The following OXR1 variants were observed in gnomAD, a reference collection of about 807,000 sequenced individuals.
OXR1 encodes the protein oxidation resistance 1.
A neutral mutation model predicts 104.6 loss-of-function variants in OXR1; 41 were observed. The observed-to-expected ratio is 0.39, with a 90% CI of 0.31 to 0.51. OXR1 has a LOEUF of 0.51. Among genes scored for constraint, OXR1 ranks in the 20% least tolerant of loss-of-function variants. The pLI, the probability that OXR1 is intolerant of heterozygous loss-of-function variation, is 0.77. For synonymous variants in OXR1, 348 were observed against 348.4 expected (o/e 1.00, Z 0.01); for missense variants, 955 against 1,031.9 (o/e 0.93, Z 1.02).
chr8:106,697,391 C>T (rs1271399328), intron 7 of OXR1: 132 of 1,322,040 alleles, frequency 1.0e-4, no homozygotes, highest in South Asian at 1.4e-4. Context: ...ATTAACCACT[C>T]GTGGGAGGGC....
At chr8:106,629,823 G>T (rs185140514) in intron 3 of OXR1, among the ~76,000 whole-genome samples, 1 of 152,094 alleles carries the variant, frequency 6.6e-6, no homozygotes, top group African/African-American at 2.4e-5. Context: ...AAAAAAACTT[G>T]TGTGGTAGGA....
intron 2 of OXR1, among the ~76,000 whole-genome samples, chr8:106,438,197 C>A (rs909973317): frequency 6.6e-6 from 1 of 151,882 alleles, no homozygotes; most frequent in African/African-American, 2.4e-5. Context: ...GGTAGGGACA[C>A]AAGGACTAGA....
At chr8:106,391,483 G>A (rs1365050669) in intron 2 of OXR1, among the ~76,000 whole-genome samples, 5 of 152,166 alleles carry the variant, frequency 3.3e-5, no homozygotes, top group African/African-American at 9.7e-5. Flanking sequence ...AGGGAAAAAT[G>A]TGTTCTTTCT....
chr8:106,325,465 A>G (rs1814431527), intron 1 of OXR1, among the ~76,000 whole-genome samples: 1 of 152,184 alleles, frequency 6.6e-6, no homozygotes. Flanking sequence ...ATTAATCTTT[A>G]TCAAATAACT....
At chr8:106,514,542 G>A (rs1188742962) in intron 2 of OXR1, among the ~76,000 whole-genome samples, 1 of 152,064 alleles carries the variant, frequency 6.6e-6, no homozygotes, top group Non-Finnish European at 1.5e-5. Flanking sequence ...AAAGAAGAAG[G>A]GGAATAATAG....
At chr8:106,344,043 T>C (rs1019460941) in intron 1 of OXR1, among the ~76,000 whole-genome samples, 3 of 152,220 alleles carry the variant, frequency 2.0e-5, no homozygotes, top group Admixed American at 6.5e-5. Flanking sequence ...ACTTAAATAA[T>C]ATAAAGTGAA....
chr8:106,286,181 C>A, intron 1 of OXR1, among the ~76,000 whole-genome samples: 1 of 152,116 alleles, frequency 6.6e-6, no homozygotes, highest in East Asian at 1.9e-4. Context: ...TTGCCTAGTG[C>A]AGCTGATGCC....
intron 1 of OXR1, among the ~76,000 whole-genome samples, chr8:106,339,661 G>A (rs1035986405): frequency 2.7e-5 from 4 of 149,734 alleles, no homozygotes; most frequent in African/African-American, 9.8e-5. Flanking sequence ...CTCTTTAGCT[G>A]TACCTAAAAC....
intron 3 of OXR1, among the ~76,000 whole-genome samples, chr8:106,595,901 G>A (rs1460062321): frequency 2.0e-5 from 3 of 152,058 alleles, no homozygotes; most frequent in Non-Finnish European, 4.4e-5. Context: ...AGGGGAGACT[G>A]GTGAATATGA....
chr8:106,294,596 G>T (rs544048335), intron 1 of OXR1, among the ~76,000 whole-genome samples: 4 of 152,014 alleles, frequency 2.6e-5, no homozygotes, highest in African/African-American at 7.2e-5. Context: ...GCAGATGCAG[G>T]AGAGAGACAG....
intron 1 of OXR1, among the ~76,000 whole-genome samples, chr8:106,335,080 G>A (rs1054640730): frequency 1.3e-5 from 2 of 151,602 alleles, no homozygotes; most frequent in Admixed American, 1.3e-4. Flanking sequence ...AACCATCCTT[G>A]TCCTAATCAC....
chr8:106,739,846 T>TA (rs11369654), intron 13 of OXR1, among the ~76,000 whole-genome samples: 45,254 of 151,998 alleles, frequency 0.3, 8,727 homozygotes, highest in African/African-American at 0.55. Context: ...ATGTAGTTGT[T>TA]ACAACAGCTG....
chr8:106,270,703 C>T (rs1181504486), intron 1 of OXR1, among the ~76,000 whole-genome samples: 1 of 150,088 alleles, frequency 6.7e-6, no homozygotes, highest in Non-Finnish European at 1.5e-5. Context: ...GGGAGCCCGG[C>T]CAGGGACAGC....
chr8:106,527,062 C>A (rs1813741794), intron 3 of OXR1, among the ~76,000 whole-genome samples: 1 of 152,116 alleles, frequency 6.6e-6, no homozygotes, highest in Admixed American at 6.5e-5. Context: ...CTTTATATTC[C>A]TCCTGCTAGT....
intron 16 of OXR1, among the ~76,000 whole-genome samples, chr8:106,746,507 A>G (rs1337670274): frequency 6.6e-6 from 1 of 152,190 alleles, no homozygotes; most frequent in African/African-American, 2.4e-5. Flanking sequence ...TCTGTCTTTC[A>G]GTATTAGACA....
At chr8:106,614,013 G>A (rs1821003737) in intron 3 of OXR1, among the ~76,000 whole-genome samples, 2 of 152,256 alleles carry the variant, frequency 1.3e-5, no homozygotes, top group African/African-American at 4.8e-5. Context: ...TTTGAGAAAT[G>A]TGTACACACT....
At chr8:106,501,055 A>C (rs1319029171) in intron 2 of OXR1, among the ~76,000 whole-genome samples, 2 of 152,214 alleles carry the variant, frequency 1.3e-5, no homozygotes, top group Non-Finnish European at 2.9e-5. Context: ...CCAGCATGAC[A>C]AAAAGCCAGA....
chr8:106,485,555 G>T (rs1810593969), intron 2 of OXR1, among the ~76,000 whole-genome samples: 1 of 151,988 alleles, frequency 6.6e-6, no homozygotes, highest in African/African-American at 2.4e-5. Flanking sequence ...GTTAGTCTCA[G>T]CCATTTGTTT....
chr8:106,685,588 T>C (rs1350861093), intron 6 of OXR1, among the ~76,000 whole-genome samples: 1 of 152,068 alleles, frequency 6.6e-6, no homozygotes, highest in Non-Finnish European at 1.5e-5. Context: ...TAAAGTTATG[T>C]GAATGATCTT....
Sources: gnomAD v4.1 joint callset for allele counts (sites outside exome capture counted in the v4.1 genomes callset) on GRCh38, gnomAD v4.1.1 for gene constraint, MANE v1.5 for transcripts, NCBI Gene and HGNC (gene_info 2026-07-23, HGNC 2026-07-21) for gene names.